CDCA7L: variants seen among roughly 807,000 people sequenced by gnomAD.
The protein encoded by CDCA7L is cell division cycle associated 7 like, also known as cell division cycle-associated 7-like protein.
In CDCA7L, 44 loss-of-function variants were observed where a neutral mutation model predicts 57.4. The observed-to-expected ratio is 0.77, with a 90% CI of 0.60 to 0.98. The LOEUF (loss-of-function observed/expected upper bound fraction) is 0.98, where lower values mean the gene tolerates loss of function less well. CDCA7L is among the 50% of genes least tolerant of loss of function. CDCA7L has a pLI of 0.00. For synonymous variants in CDCA7L, 236 were observed against 202.8 expected, an observed-to-expected ratio of 1.16 and a Z score of -1.39; for missense variants, 644 against 580.6, an observed-to-expected ratio of 1.11 and a Z score of -1.12.
At chr7:21,923,466 C>T (rs1436116085) in intron 1 of CDCA7L, among the ~76,000 whole-genome samples, 2 of 152,150 alleles carry the variant, frequency 1.3e-5, no homozygotes, top group Non-Finnish European at 2.9e-5. Flanking sequence ...CACTACACTA[C>T]AGTCAGGGTG....
At position 21,901,476 on chromosome 7, in the gene CDCA7L, G is replaced by GGAGAATC. The variant is rs1428226837; in HGVS notation, c.*839_*845dup. 1 of 496,594 alleles carries GGAGAATC rather than the reference G, an allele frequency of 2.0e-6. No individual in the cohort carries two copies. The highest frequency in any genetic ancestry group is 4.8e-5 in the East Asian group (1 of 20,956). 30.8% of individuals were successfully genotyped at this position (496,594 alleles called of 1,614,324 possible). A position where few individuals can be genotyped will look rare whatever the true frequency, so the allele number is the denominator to read the frequency against. On this transcript the variant is annotated 3_prime_UTR_variant, in exon 10 of 10. Transcript: ENST00000406877. ...TGTAATCCCAGTTACTCAGGAGGTA[G>GGAGAATC]GAGAATCACTTGAACCTAGGAGGCA...
In CDCA7L at chr7:21,904,149, G is replaced by A; in HGVS notation, c.1158C>T (p.Asn386=). Residue 386 remains asparagine (N), a synonymous_variant, in exon 8 of 10, where the codon AAC becomes AAT. Coordinates refer to ENST00000406877, the MANE Select transcript of CDCA7L (RefSeq NM_018719.5). ...CCGATCTGACATCCTCCCCATAGCG[G>A]TTCCGCAGGCATGGTCCACAGAACT... The part of the protein sequence containing the change: ...RGQFCGPCLR[N]RYGEDVRSAL... 3 of 1,612,374 alleles carry A rather than the reference G, an allele frequency of 1.9e-6. No homozygotes were observed. The highest frequency in any genetic ancestry group is 2.5e-6 in the Non-Finnish European group (3 of 1,179,224).
intron 4 of CDCA7L, among the ~76,000 whole-genome samples, chr7:21,906,977 A>G (rs564759585): frequency 1.8e-4 from 27 of 152,300 alleles, no homozygotes; most frequent in African/African-American, 6.3e-4. Context: ...CCCTGGGACA[A>G]TTCATTTTGC....
chr7:21,935,895 G>C (rs1442970030), intron 1 of CDCA7L, among the ~76,000 whole-genome samples: 1 of 151,996 alleles, frequency 6.6e-6, no homozygotes, highest in Non-Finnish European at 1.5e-5. Flanking sequence ...TGTAATCCCA[G>C]CTACTTGGGA....
rs891184507 is a variant in CDCA7L at position 21,937,219 on chromosome 7, G to T, written c.24+8562C>A. On this transcript the variant is annotated intron_variant, in intron 1 of 9. Coordinates refer to ENST00000406877, the MANE Select transcript of CDCA7L (RefSeq NM_018719.5). Reference sequence around the variant, plus strand: ...ATATAAGGTGACAATACTAACTGAAGCTATGTACAGACTCAATGTATTCCT... The same window carrying T: ...ATATAAGGTGACAATACTAACTGAATCTATGTACAGACTCAATGTATTCCT... 1.3e-5 allele frequency among the ~76,000 whole-genome samples: 2 copies of T among 152,200 alleles called. 1 individual carries two copies. The highest frequency in any genetic ancestry group is 4.1e-4 in the South Asian group (2 of 4,838).
At chr7:21,926,637 T>G (rs1199665271) in intron 1 of CDCA7L, among the ~76,000 whole-genome samples, 1 of 151,966 alleles carries the variant, frequency 6.6e-6, no homozygotes, top group Non-Finnish European at 1.5e-5. Context: ...TTTGGAAGGC[T>G]GAGGCAGGAG....
chr7:21,943,217 G>T (rs1208688000), intron 1 of CDCA7L, among the ~76,000 whole-genome samples: 2 of 152,228 alleles, frequency 1.3e-5, no homozygotes, highest in African/African-American at 2.4e-5. Flanking sequence ...ACTACAGCCT[G>T]GGGGAAGCGT....
At chr7:21,928,440 T>C (rs1785891860) in intron 1 of CDCA7L, among the ~76,000 whole-genome samples, 1 of 151,844 alleles carries the variant, frequency 6.6e-6, no homozygotes. Flanking sequence ...GGAACAAAAC[T>C]GGATGGAGAA....
rs201788921 is a variant in CDCA7L, at chr7:21,902,318, C to T, written c.*4G>A. 4 of 1,613,902 alleles carry T rather than the reference C, an allele frequency of 2.5e-6. No homozygotes were observed. The East Asian group carries it at 6.7e-5, about 27-fold the overall frequency. ...TGAGGTGGCTGGTTCTGTTTGTTTT[C>T]CTCTTAATTGTCTTCTACCAGCTCC... On this transcript the variant is annotated 3_prime_UTR_variant, in exon 10 of 10. Transcript: ENST00000406877.
chr7:21,911,541 T>C, intron 3 of CDCA7L, 76 bp downstream of exon 3: 1 of 1,479,488 alleles, frequency 6.8e-7, no homozygotes, highest in Non-Finnish European at 9.0e-7. Context: ...GTGAAGTGAC[T>C]GCTTACAAGT....
chr7:21,935,475 A>G (rs1396044867), intron 1 of CDCA7L, among the ~76,000 whole-genome samples: 1 of 152,216 alleles, frequency 6.6e-6, no homozygotes, highest in Non-Finnish European at 1.5e-5. Context: ...TTAGGGGAAC[A>G]GGAAATGTAT....
chr7:21,903,854 C>G, intron 8 of CDCA7L: 1 of 367,202 alleles, frequency 2.7e-6, no homozygotes, highest in Middle Eastern at 7.7e-4. Context: ...TTGCATAAAA[C>G]TAGAGGACTG....
chr7:21,901,013 G>C lies in CDCA7L; in HGVS notation c.*1309C>G. The C allele has an allele frequency of 1.3e-6, 2 of 1,591,276 alleles. No individual in the cohort carries two copies. The highest frequency in any genetic ancestry group is 1.7e-6 in the Non-Finnish European group (2 of 1,168,448). ...CGCTGTGTTTTTGCCATAGGCGCCCGCTGGGACACCCAAGCAGGAACCATT... is the reference window on the plus strand; with the variant it reads ...CGCTGTGTTTTTGCCATAGGCGCCCCCTGGGACACCCAAGCAGGAACCATT... On this transcript the variant is annotated 3_prime_UTR_variant, in exon 10 of 10. Transcript: ENST00000406877.
chr7:21,903,861 A>G (rs1785034904), intron 8 of CDCA7L: 1 of 380,422 alleles, frequency 2.6e-6, no homozygotes, highest in Admixed American at 4.2e-5. Flanking sequence ...AAACTAGAGG[A>G]CTGTAAGCAA....
Position 21,926,919 on chromosome 7 carries a change from C to A in CDCA7L, c.25-10025G>T, listed in dbSNP as rs1785849247. ...AATAATAAAGACATTGAATAGAAGC[C>A]ATGGGGAGTGGAAAAAAGCCACACA... On this transcript the variant is annotated intron_variant, in intron 1 of 9. Transcript: ENST00000406877. Among the ~76,000 whole-genome samples the A allele has an allele frequency of 3.9e-5, 6 of 152,078 alleles. No homozygotes were observed. In the South Asian group the frequency reaches 1.2e-3, roughly 32 times the overall value.
intron 1 of CDCA7L, among the ~76,000 whole-genome samples, chr7:21,937,129 C>T (rs1786193151): frequency 1.3e-5 from 2 of 152,010 alleles, no homozygotes; most frequent in Non-Finnish European, 1.5e-5. Context: ...AAACTACATC[C>T]CCGAAAAAAT....
intron 8 of CDCA7L, 60 bp downstream of exon 8, chr7:21,904,050 T>C: frequency 6.8e-7 from 1 of 1,477,596 alleles, no homozygotes; most frequent in Non-Finnish European, 9.0e-7. Flanking sequence ...AGGAGGCCCA[T>C]CTTTATAGCT....
In CDCA7L at chr7:21,904,211, C is replaced by T. The variant is rs1338520760; in HGVS notation, c.1096G>A (p.Val366Met). 7 of 1,613,596 alleles carry T rather than the reference C, an allele frequency of 4.3e-6. No individual in the cohort carries two copies. Among genetic ancestry groups the T allele is most frequent in the Non-Finnish European group, 5.9e-6 (7 of 1,179,798 alleles). The change falls in exon 8 of 10, where the codon GTG becomes ATG. Residue 366 changes from valine to methionine, a missense_variant. Transcript: ENST00000406877. ...CCACAGCAACCCTGGTTCCGACACA[C>T]TGTCTTGGTGTCGATGGTCTTTTGT... ...CRQKTIDTKT[V>M]CRNQGCCGVR...
intron 2 of CDCA7L, among the ~76,000 whole-genome samples, chr7:21,912,955 C>A (rs1785377710): frequency 1.3e-5 from 2 of 152,014 alleles, no homozygotes; most frequent in African/African-American, 4.8e-5. Flanking sequence ...AAAGGGAGAC[C>A]CACGAGACCA....
Sources: allele counts gnomAD v4.1 joint callset (sites outside exome capture counted in the v4.1 genomes callset), GRCh38; gene constraint gnomAD v4.1.1; transcripts MANE v1.5; gene names NCBI Gene and HGNC (gene_info 2026-07-23, HGNC 2026-07-21).